CSMD1: variants seen among roughly 807,000 people sequenced by gnomAD.
The protein encoded by CSMD1 is CUB and sushi domain-containing protein 1.
A neutral mutation model predicts 417.5 loss-of-function variants in CSMD1; 213 were observed. That is an observed-to-expected ratio of 0.51 (90% CI 0.46 to 0.57). CSMD1 has a LOEUF of 0.57. Among genes scored for constraint, CSMD1 ranks in the 20% least tolerant of loss-of-function variants. The pLI is 0.00. For synonymous variants in CSMD1, 2,862 were observed against 1,736.8 expected (o/e 1.65, Z -16.11); for missense variants, 6,923 against 4,529.7 (o/e 1.53, Z -15.17).
At chr8:3,597,152 G>A (rs2469353) in intron 8 of CSMD1, among the ~76,000 whole-genome samples, 1 of 152,292 alleles carries the variant, frequency 6.6e-6, no homozygotes, top group Admixed American at 6.5e-5. Context: ...CCCAAAATCA[G>A]AGGGAATCAA....
At chr8:4,367,865 G>A (rs576901218) in intron 3 of CSMD1, among the ~76,000 whole-genome samples, 2 of 152,224 alleles carry the variant, frequency 1.3e-5, no homozygotes, top group South Asian at 4.2e-4. Flanking sequence ...AGCTTCGATA[G>A]GGTATAGAAA....
At chr8:3,523,186 C>G (rs945670574) in intron 10 of CSMD1, among the ~76,000 whole-genome samples, 1 of 152,152 alleles carries the variant, frequency 6.6e-6, no homozygotes, top group Non-Finnish European at 1.5e-5. Context: ...TACTTGGAAT[C>G]AAATACAACT....
intron 3 of CSMD1, among the ~76,000 whole-genome samples, chr8:4,146,475 G>C (rs759400046): frequency 6.6e-6 from 1 of 150,378 alleles, no homozygotes; most frequent in African/African-American, 2.5e-5. Flanking sequence ...ATGTTGAAAA[G>C]GCTGTTTACC....
intron 5 of CSMD1, among the ~76,000 whole-genome samples, chr8:3,982,804 G>A (rs1813983875): frequency 6.6e-6 from 1 of 152,166 alleles, no homozygotes; most frequent in South Asian, 2.1e-4. Flanking sequence ...ATCCGCTGGA[G>A]GATTCTGAGG....
At chr8:3,507,054 A>G (rs73501590) in intron 10 of CSMD1, among the ~76,000 whole-genome samples, 6,312 of 152,254 alleles carry the variant, frequency 0.041, 436 homozygotes, top group African/African-American at 0.14. Context: ...AGTGCCTAAC[A>G]TAGAGCTTGG....
chr8:3,735,710 C>T (rs1162551301), intron 6 of CSMD1, among the ~76,000 whole-genome samples: 4 of 152,282 alleles, frequency 2.6e-5, no homozygotes, highest in Middle Eastern at 3.4e-3. Context: ...AATTCATGGA[C>T]AACAGAAACT....
intron 6 of CSMD1, among the ~76,000 whole-genome samples, chr8:3,752,123 C>A (rs886843815): frequency 4.6e-5 from 7 of 152,114 alleles, no homozygotes; most frequent in African/African-American, 1.7e-4. Context: ...TCCATCCCAC[C>A]TTTACTCCAT....
At position 3,904,295 on chromosome 8, in the gene CSMD1, A is replaced by G. The variant is rs141541739; in HGVS notation, c.818+93608T>C. ...AAATCATAGGTTCTTCCTGGAGGAC[A>G]CCCCTTTCTTTCATCCCAACATCAT... On this transcript the variant is annotated intron_variant, in intron 5 of 69. Transcript: ENST00000635120. Among the ~76,000 whole-genome samples, 286 of 152,202 alleles carry G rather than the reference A, an allele frequency of 1.9e-3. 1 individual carries two copies. Among genetic ancestry groups the G allele is most frequent in the African/African-American group, 6.5e-3 (268 of 41,506 alleles).
intron 3 of CSMD1, among the ~76,000 whole-genome samples, chr8:4,101,014 T>C (rs926465241): frequency 3.3e-5 from 5 of 152,182 alleles, no homozygotes; most frequent in African/African-American, 1.2e-4. Context: ...AAATTCCCAA[T>C]CCACGCAGCC....
intron 1 of CSMD1, among the ~76,000 whole-genome samples, chr8:4,665,801 T>C (rs1804882791): frequency 6.6e-6 from 1 of 152,220 alleles, no homozygotes; most frequent in South Asian, 2.1e-4. Context: ...TTAGCAAATA[T>C]AAAGTTGCTG....
chr8:3,062,653 T>C (rs1025416258), intron 49 of CSMD1, among the ~76,000 whole-genome samples: 18 of 150,550 alleles, frequency 1.2e-4, no homozygotes, highest in African/African-American at 3.7e-4. Context: ...CTTGAAAATA[T>C]CTAGCACTTC....
intron 2 of CSMD1, among the ~76,000 whole-genome samples, chr8:4,465,121 C>A (rs1011528113): frequency 6.6e-6 from 1 of 152,132 alleles, no homozygotes; most frequent in African/African-American, 2.4e-5. Context: ...AGTTAATTTT[C>A]CCATCTAAGG....
chr8:3,220,649 G>A (rs1242698195), intron 28 of CSMD1, among the ~76,000 whole-genome samples: 2 of 152,136 alleles, frequency 1.3e-5, no homozygotes, highest in Admixed American at 6.6e-5. Context: ...TGGCCAATAT[G>A]GTGAAACCCT....
At chr8:4,710,208 T>G (rs891158186) in intron 1 of CSMD1, among the ~76,000 whole-genome samples, 2 of 151,986 alleles carry the variant, frequency 1.3e-5, no homozygotes, top group African/African-American at 4.8e-5. Flanking sequence ...TATATATACG[T>G]ATCTTCAGTG....
intron 17 of CSMD1, among the ~76,000 whole-genome samples, chr8:3,390,333 C>T (rs112160730): frequency 9.7e-4 from 111 of 113,886 alleles, no homozygotes; most frequent in Non-Finnish European, 1.6e-3. Flanking sequence ...CCAGCCTGGG[C>T]GACAGAGCAA....
rs1173719388 is a variant in CSMD1, at chr8:4,078,896, AATATATATATATATATAT to A, written c.416-46815_416-46798del. 1.9e-3 allele frequency among the ~76,000 whole-genome samples: 81 copies of A among 43,548 alleles called. 2 individuals are homozygous for A. Among genetic ancestry groups the A allele is most frequent in the African/African-American group, 3.7e-3 (43 of 11,750 alleles). 28.6% of individuals were successfully genotyped at this position (43,548 alleles called of 152,430 possible). A position where few individuals can be genotyped will look rare whatever the true frequency, so the allele number is the denominator to read the frequency against. On this transcript the variant is annotated intron_variant, in intron 3 of 69. Transcript: ENST00000635120. ...ACTAAAATTAATAATAATAATAATA[AATATATATATATATATAT>A]ATATATATATATATATATATATATA...
At chr8:4,595,899 C>T (rs7013588) in intron 2 of CSMD1, among the ~76,000 whole-genome samples, 1,608 of 152,204 alleles carry the variant, frequency 0.011, 26 homozygotes, top group African/African-American at 0.037. Context: ...TTGCATGCAG[C>T]CATCCACTCT....
chr8:4,493,519 G>A (rs1801828457), intron 2 of CSMD1, among the ~76,000 whole-genome samples: 1 of 151,994 alleles, frequency 6.6e-6, no homozygotes, highest in Non-Finnish European at 1.5e-5. Context: ...AACATATTGG[G>A]ATCCCATCTC....
At chr8:4,332,242 T>G (rs561208999) in intron 3 of CSMD1, among the ~76,000 whole-genome samples, 2 of 152,166 alleles carry the variant, frequency 1.3e-5, no homozygotes, top group East Asian at 3.9e-4. Flanking sequence ...CGCTAGCCAT[T>G]GCCACCACAT....
Sources: gnomAD v4.1 joint callset for allele counts (sites outside exome capture counted in the v4.1 genomes callset) on GRCh38, gnomAD v4.1.1 for gene constraint, MANE v1.5 for transcripts, NCBI Gene and HGNC (gene_info 2026-07-23, HGNC 2026-07-21) for gene names.